TMEM182: variants seen among roughly 807,000 people sequenced by gnomAD.
The protein encoded by TMEM182 is transmembrane protein 182.
TMEM182 carries 20 observed loss-of-function variants against 26.8 expected under a neutral mutation model. That is an observed-to-expected ratio of 0.75 (90% CI 0.53 to 1.09). TMEM182 has a LOEUF of 1.09. TMEM182 is among the 50% of genes least tolerant of loss of function. The pLI, the probability that TMEM182 is intolerant of heterozygous loss-of-function variation, is 0.00. For missense variants in TMEM182, 277 were observed against 275.5 expected, an observed-to-expected ratio of 1.01 and a Z score of -0.04; for synonymous variants, 109 against 102.2, an observed-to-expected ratio of 1.07 and a Z score of -0.40.
intron 3 of TMEM182, among the ~76,000 whole-genome samples, chr2:102,774,482 G>A (rs566923974): frequency 4.4e-4 from 66 of 151,238 alleles, no homozygotes; most frequent in Non-Finnish European, 8.7e-4. Flanking sequence ...AGCCAGGATG[G>A]TCTCGATCTT....
At chr2:102,839,049 G>T (rs1683301306) in intron 3 of TMEM182, among the ~76,000 whole-genome samples, 1 of 152,158 alleles carries the variant, frequency 6.6e-6, no homozygotes, top group Non-Finnish European at 1.5e-5. Context: ...TTGTGTGTTT[G>T]TTTCTGATAA....
chr2:102,754,178 G>A (rs538090026), intron 1 of TMEM182, among the ~76,000 whole-genome samples: 1 of 152,258 alleles, frequency 6.6e-6, no homozygotes, highest in Non-Finnish European at 1.5e-5. Context: ...AGGATGATGG[G>A]CCACAGTCCC....
At chr2:102,842,135 G>C (rs1558797530) in intron 3 of TMEM182, among the ~76,000 whole-genome samples, 1 of 152,078 alleles carries the variant, frequency 6.6e-6, no homozygotes, top group South Asian at 2.1e-4. Context: ...TGTCTCCTTT[G>C]GGCTAAGTCT....
At chr2:102,801,709 G>A (rs920838631) in intron 4 of TMEM182, among the ~76,000 whole-genome samples, 3 of 152,080 alleles carry the variant, frequency 2.0e-5, no homozygotes, top group Admixed American at 6.5e-5. Context: ...AAAGGGAAAG[G>A]AAAATTTGTT....
intron 3 of TMEM182, among the ~76,000 whole-genome samples, chr2:102,823,038 A>C (rs1021280956): frequency 6.6e-6 from 1 of 152,198 alleles, no homozygotes; most frequent in African/African-American, 2.4e-5. Context: ...TCATCCTCAA[A>C]GCACAAAAAT....
chr2:102,818,784 C>CTATCTA, downstream of TMEM182, among the ~76,000 whole-genome samples: 1 of 75,370 alleles, frequency 1.3e-5, no homozygotes, highest in South Asian at 4.1e-4. Context: ...CTATCTATCT[C>CTATCTA]TAAATTATAC....
intron 3 of TMEM182, among the ~76,000 whole-genome samples, chr2:102,834,037 A>G (rs758734843): frequency 3.9e-5 from 6 of 152,230 alleles, no homozygotes; most frequent in Non-Finnish European, 5.9e-5. Context: ...ACCTTATGTT[A>G]ATTATGAGTT....
chr2:102,820,742 G>C (rs1163545442), downstream of TMEM182, among the ~76,000 whole-genome samples: 2 of 152,236 alleles, frequency 1.3e-5, no homozygotes, highest in Admixed American at 1.3e-4. Flanking sequence ...AGGGAGCTTT[G>C]TGATGAAGTT....
chr2:102,785,365 A>C lies in TMEM182; in HGVS notation c.332-12498A>C, dbSNP rs139505570. Among the ~76,000 whole-genome samples, 65 of 152,306 alleles carry C rather than the reference A, an allele frequency of 4.3e-4. No homozygotes were observed. In the East Asian group the frequency reaches 0.012, roughly 28 times the overall value. ...TATGCTAAGATTGCACCCTTTCTCT[A>C]TTCTGGCATAATAAACCATCCATAG... On this transcript the variant is annotated intron_variant, in intron 3 of 4. Transcript: ENST00000412401.
rs1211911321 is a variant in TMEM182, at chr2:102,816,432, G to A, written c.*1464G>A. 4.1e-6 allele frequency: 4 copies of A among 984,876 alleles called. No homozygotes were observed. The highest frequency in any genetic ancestry group is 4.7e-5 in the South Asian group (1 of 21,276). The allele number at this position is 984,876 out of a possible 1,614,324, so 61.0% of individuals were successfully genotyped here. A position where few individuals can be genotyped will look rare whatever the true frequency, so the allele number is the denominator to read the frequency against. ...TGTACATCTTGTGCTTTTCCATTAAGACTTGTTCCAGTGGGAAGGAGCTTT... is the reference window on the plus strand; with the variant it reads ...TGTACATCTTGTGCTTTTCCATTAAAACTTGTTCCAGTGGGAAGGAGCTTT... On this transcript the variant is annotated 3_prime_UTR_variant, in exon 5 of 5. Coordinates refer to ENST00000412401, the MANE Select transcript of TMEM182 (RefSeq NM_144632.5).
intron 1 of TMEM182, among the ~76,000 whole-genome samples, chr2:102,752,044 T>C (rs1330914397): frequency 1.3e-5 from 2 of 152,156 alleles, no homozygotes; most frequent in African/African-American, 2.4e-5. Context: ...TGCCCACTTA[T>C]AGGTTCTGTC....
intron 3 of TMEM182, among the ~76,000 whole-genome samples, chr2:102,840,444 A>C (rs1172520994): frequency 1.3e-5 from 2 of 152,188 alleles, no homozygotes; most frequent in African/African-American, 4.8e-5. Context: ...TGGTGAATGC[A>C]CCATTGTTCT....
chr2:102,762,550 G>T (rs1205848677), intron 1 of TMEM182, 37 bp from the exon 2 acceptor site: 2 of 1,585,784 alleles, frequency 1.3e-6, no homozygotes, highest in Non-Finnish European at 1.7e-6. Flanking sequence ...TATATTTCTT[G>T]TATTGATGGC....
rs551527331 is a variant in TMEM182, at chr2:102,808,955, A to C, written c.470-5793A>C. Among the ~76,000 whole-genome samples, 81 of 152,326 alleles carry C rather than the reference A, an allele frequency of 5.3e-4. 1 individual carries two copies. Among genetic ancestry groups the C allele is most frequent in the African/African-American group, 1.9e-3 (80 of 41,586 alleles). ...AAGAACCTCTTTGAGTGATGCATAC[A>C]TTCTATTTTTAATTGGTTGTGGCTA... On this transcript the variant is annotated intron_variant, in intron 4 of 4. Transcript: ENST00000412401.
At position 102,816,325 on chromosome 2, in the gene TMEM182, C is replaced by T; in HGVS notation, c.*1357C>T. 1 of 985,176 alleles carries T rather than the reference C, an allele frequency of 1.0e-6. No individual in the cohort carries two copies. The highest frequency in any genetic ancestry group is 1.2e-6 in the Non-Finnish European group (1 of 829,916). 61.0% of individuals were successfully genotyped at this position (985,176 alleles called of 1,614,324 possible). On this transcript the variant is annotated 3_prime_UTR_variant, in exon 5 of 5. Transcript: ENST00000412401. ...GCCCACAGGCAAAAAAAGTCACCAC[C>T]CAGAAGATGCTCTGGGATAGAGGAA... is the stretch of plus-strand genomic sequence containing the variant.
In TMEM182 at chr2:102,815,182, A is replaced by T; in HGVS notation, c.*214A>T. On this transcript the variant is annotated 3_prime_UTR_variant, in exon 5 of 5. Coordinates refer to ENST00000412401, the MANE Select transcript of TMEM182 (RefSeq NM_144632.5). Reference sequence around the variant, plus strand: ...CTATCTTGTCTAAGTGCTGTCAAGGACCTAGTTCTTTAGGGAATAGGTAAA... The same window carrying T: ...CTATCTTGTCTAAGTGCTGTCAAGGTCCTAGTTCTTTAGGGAATAGGTAAA... 1 of 1,374,220 alleles carries T rather than the reference A, an allele frequency of 7.3e-7. No individual in the cohort carries two copies. The highest frequency in any genetic ancestry group is 9.4e-7 in the Non-Finnish European group (1 of 1,067,104). The allele number at this position is 1,374,220 out of a possible 1,614,324, so 85.1% of individuals were successfully genotyped here.
intron 3 of TMEM182, among the ~76,000 whole-genome samples, chr2:102,782,188 C>T (rs1459273505): frequency 6.6e-6 from 1 of 151,924 alleles, no homozygotes; most frequent in African/African-American, 2.4e-5. Context: ...TGCATGTAAT[C>T]CCAGCCATAT....
chr2:102,828,449 C>T (rs1477977950), intron 3 of TMEM182, among the ~76,000 whole-genome samples: 2 of 152,186 alleles, frequency 1.3e-5, no homozygotes, highest in African/African-American at 2.4e-5. Context: ...TTTTGAAGAG[C>T]AAGGTCGCCA....
intron 4 of TMEM182, among the ~76,000 whole-genome samples, chr2:102,809,988 T>C (rs2104750413): frequency 6.6e-6 from 1 of 152,306 alleles, no homozygotes; most frequent in Non-Finnish European, 1.5e-5. Flanking sequence ...TTGAATCATC[T>C]CGAATTTATG....
Sources: allele counts gnomAD v4.1 joint callset (sites outside exome capture counted in the v4.1 genomes callset), GRCh38; gene constraint gnomAD v4.1.1; transcripts MANE v1.5; gene names NCBI Gene and HGNC (gene_info 2026-07-23, HGNC 2026-07-21).